Variants in CDH13 observed in about 807,000 individuals in gnomAD.
The protein encoded by CDH13 is cadherin 13, also known as cadherin-13.
In CDH13, 24 loss-of-function variants were observed where a neutral mutation model predicts 63.8. The ratio of observed to expected loss-of-function variants is 0.38; its 90% CI spans 0.27 to 0.53. The LOEUF (loss-of-function observed/expected upper bound fraction) is 0.53. CDH13 is among the 20% of genes least tolerant of loss of function. The pLI is 0.85. For missense variants in CDH13, 1,049 were observed against 903.1 expected, an observed-to-expected ratio of 1.16 and a Z score of -2.07; for synonymous variants, 503 against 355.3, an observed-to-expected ratio of 1.42 and a Z score of -4.67.
chr16:83,012,041 C>G lies in CDH13; in HGVS notation c.158-19969C>G, dbSNP rs1342269657. Among the ~76,000 whole-genome samples, 3 of 152,146 alleles carry G rather than the reference C, an allele frequency of 2.0e-5. No individual in the cohort carries two copies. In the East Asian group the frequency reaches 5.8e-4, roughly 29 times the overall value. On this transcript the variant is annotated intron_variant, in intron 2 of 13. Coordinates refer to ENST00000567109, the MANE Select transcript of CDH13 (RefSeq NM_001257.5). The stretch of plus-strand genomic sequence containing the variant: ...TTTACGCCCTTTCCCCAGCCCAGGA[C>G]TAGGTCTGTGTTACCCAGGACCATT...
chr16:83,707,493 CTT>C (rs1907260236), intron 10 of CDH13, among the ~76,000 whole-genome samples: 2 of 152,134 alleles, frequency 1.3e-5, no homozygotes, highest in African/African-American at 4.8e-5. Flanking sequence ...TTTGACTTGT[CTT>C]TCTTTTAACT....
intron 7 of CDH13, among the ~76,000 whole-genome samples, chr16:83,535,811 G>C (rs1473677723): frequency 1.5e-5 from 2 of 134,816 alleles, no homozygotes; most frequent in Non-Finnish European, 3.2e-5. Context: ...CAGCAAGCAA[G>C]AGAAAAAGAA....
At chr16:83,214,133 C>T (rs955274461) in intron 4 of CDH13, among the ~76,000 whole-genome samples, 2 of 152,086 alleles carry the variant, frequency 1.3e-5, no homozygotes, top group African/African-American at 4.8e-5. Context: ...TTCTTTCGCT[C>T]TTCACAGTAA....
intron 5 of CDH13, among the ~76,000 whole-genome samples, chr16:83,302,257 TC>T (rs1221051877): frequency 6.6e-6 from 1 of 152,218 alleles, no homozygotes; most frequent in Non-Finnish European, 1.5e-5. Context: ...CGGATATTCA[TC>T]CTTTATTGGT....
In CDH13 at chr16:83,491,694, G is replaced by A. The variant is rs185356547; in HGVS notation, c.960+5039G>A. 9.5e-4 allele frequency among the ~76,000 whole-genome samples: 144 copies of A among 151,694 alleles called. 1 individual carries two copies. The highest frequency in any genetic ancestry group is 1.7e-3 in the Non-Finnish European group (114 of 67,950). The stretch of plus-strand genomic sequence containing the variant: ...AGGGGTTTGAGCTGAGCACTTTTCT[G>A]TCTTTGTTTGAATTTGCCTTTACCT... On this transcript the variant is annotated intron_variant, in intron 7 of 13. Transcript: ENST00000567109.
intron 1 of CDH13, among the ~76,000 whole-genome samples, chr16:82,680,987 A>T (rs1191809278): frequency 1.3e-5 from 2 of 152,222 alleles, no homozygotes; most frequent in African/African-American, 2.4e-5. Context: ...GCCCATAAAG[A>T]AGACAGGACT....
chr16:82,705,867 G>T (rs557224110), intron 1 of CDH13, among the ~76,000 whole-genome samples: 95 of 152,220 alleles, frequency 6.2e-4, no homozygotes, highest in African/African-American at 2.0e-3. Context: ...ATGAAGAAGG[G>T]GTAGATGCTT....
chr16:82,874,049 A>G (rs1025183804), intron 2 of CDH13, among the ~76,000 whole-genome samples: 2 of 82,824 alleles, frequency 2.4e-5, no homozygotes, highest in Non-Finnish European at 4.6e-5. Flanking sequence ...GAAAGATAAT[A>G]AGATGCACAC....
chr16:82,799,125 T>C (rs1401350255), intron 1 of CDH13, among the ~76,000 whole-genome samples: 2 of 152,084 alleles, frequency 1.3e-5, no homozygotes, highest in African/African-American at 4.8e-5. Flanking sequence ...CAATTATATA[T>C]CCCCCTAAAA....
chr16:83,323,659 C>G (rs142205066), intron 5 of CDH13, among the ~76,000 whole-genome samples: 75 of 152,252 alleles, frequency 4.9e-4, no homozygotes, highest in Non-Finnish European at 8.7e-4. Context: ...AAACAACAAA[C>G]TAGAACATTT....
At chr16:83,445,099 G>C (rs2072636030) in intron 6 of CDH13, among the ~76,000 whole-genome samples, 1 of 152,090 alleles carries the variant, frequency 6.6e-6, no homozygotes, top group Non-Finnish European at 1.5e-5. Flanking sequence ...TTTCATGGCA[G>C]TGGAGTCTGA....
At chr16:83,574,715 C>T (rs1036215074) in intron 7 of CDH13, among the ~76,000 whole-genome samples, 25 of 152,152 alleles carry the variant, frequency 1.6e-4, no homozygotes, top group African/African-American at 4.1e-4. Context: ...TCGCGAATCA[C>T]GACCAAGTCA....
intron 10 of CDH13, among the ~76,000 whole-genome samples, chr16:83,699,904 C>G (rs1174428048): frequency 6.6e-6 from 1 of 152,218 alleles, no homozygotes; most frequent in African/African-American, 2.4e-5. Flanking sequence ...TCCCTCTCCT[C>G]TGCACTTTCT....
At chr16:82,779,287 T>G (rs921611749) in intron 1 of CDH13, among the ~76,000 whole-genome samples, 2 of 152,086 alleles carry the variant, frequency 1.3e-5, no homozygotes, top group African/African-American at 4.8e-5. Flanking sequence ...ACACAGATAG[T>G]AGGCAGTCCA....
At chr16:82,801,927 A>G (rs1173722816) in intron 1 of CDH13, among the ~76,000 whole-genome samples, 1 of 152,224 alleles carries the variant, frequency 6.6e-6, no homozygotes, top group East Asian at 1.9e-4. Context: ...GAAGTGATGC[A>G]GGAAACTACA....
chr16:83,032,271 C>T (rs1015641693), intron 3 of CDH13, 53 bp downstream of exon 3: 8 of 1,411,100 alleles, frequency 5.7e-6, no homozygotes, highest in Non-Finnish European at 7.9e-6. Context: ...TAGGTTCTGT[C>T]TGTCTTATGT....
intron 5 of CDH13, among the ~76,000 whole-genome samples, chr16:83,320,143 G>C (rs1209588657): frequency 6.6e-6 from 1 of 152,030 alleles, no homozygotes; most frequent in Non-Finnish European, 1.5e-5. Flanking sequence ...AGGCTCAAGT[G>C]ATCCTTGCAT....
chr16:83,407,835 A>G (rs573030075), intron 6 of CDH13, among the ~76,000 whole-genome samples: 1 of 152,078 alleles, frequency 6.6e-6, no homozygotes, highest in Non-Finnish European at 1.5e-5. Flanking sequence ...TTCTTTTTGT[A>G]ATTGACTTAC....
intron 7 of CDH13, among the ~76,000 whole-genome samples, chr16:83,532,956 C>A (rs1048901930): frequency 1.4e-4 from 21 of 152,244 alleles, no homozygotes; most frequent in African/African-American, 4.6e-4. Context: ...CAGCCACCAG[C>A]TGTTTCTAAC....
Sources: gnomAD v4.1 joint callset for allele counts (sites outside exome capture counted in the v4.1 genomes callset) on GRCh38, gnomAD v4.1.1 for gene constraint, MANE v1.5 for transcripts, NCBI Gene and HGNC (gene_info 2026-07-23, HGNC 2026-07-21) for gene names.